CMTM8: variants seen among roughly 807,000 people sequenced by gnomAD.
CMTM8 encodes the protein CKLF like MARVEL transmembrane domain containing 8.
CMTM8 carries 12 observed loss-of-function variants against 18.6 expected under a neutral mutation model. The ratio of observed to expected loss-of-function variants is 0.65; its 90% CI spans 0.41 to 1.05. The LOEUF (loss-of-function observed/expected upper bound fraction) is 1.05, where lower values mean the gene tolerates loss of function less well. Among genes scored for constraint, CMTM8 ranks in the 50% least tolerant of loss-of-function variants. The probability of loss-of-function intolerance (pLI) is 0.00; values close to 1 mark genes in which losing one functional copy is unlikely to be tolerated. For synonymous variants in CMTM8, 87 were observed against 90.6 expected (o/e 0.96, Z 0.23); for missense variants, 217 against 227.2 (o/e 0.95, Z 0.29).
chr3:32,278,277 C>T (rs891820736), intron 1 of CMTM8, among the ~76,000 whole-genome samples: 1 of 152,184 alleles, frequency 6.6e-6, no homozygotes, highest in African/African-American at 2.4e-5. Flanking sequence ...ATGTGGTCCT[C>T]ATCTACGTGG....
At chr3:32,325,274 A>T (rs1236217657) in intron 1 of CMTM8, among the ~76,000 whole-genome samples, 1 of 152,198 alleles carries the variant, frequency 6.6e-6, no homozygotes, top group Non-Finnish European at 1.5e-5. Context: ...TTAAATTGTG[A>T]AATAGACCAA....
chr3:32,282,353 G>A (rs533868742), intron 1 of CMTM8, among the ~76,000 whole-genome samples: 43 of 152,184 alleles, frequency 2.8e-4, no homozygotes, highest in African/African-American at 9.4e-4. Flanking sequence ...TACCATATTT[G>A]GATATTGATC....
At chr3:32,252,808 A>C (rs1475773847) in intron 1 of CMTM8, among the ~76,000 whole-genome samples, 1 of 152,226 alleles carries the variant, frequency 6.6e-6, no homozygotes, top group East Asian at 1.9e-4. Flanking sequence ...TTGCCAGTAT[A>C]ATGTCAAATA....
At chr3:32,360,546 A>G (rs1235540771) in intron 2 of CMTM8, among the ~76,000 whole-genome samples, 1 of 152,234 alleles carries the variant, frequency 6.6e-6, no homozygotes, top group Non-Finnish European at 1.5e-5. Context: ...AAAGGCTCTG[A>G]CTAAACTTCC....
At chr3:32,340,491 T>C (rs1478904807) in intron 1 of CMTM8, among the ~76,000 whole-genome samples, 1 of 152,234 alleles carries the variant, frequency 6.6e-6, no homozygotes, top group Non-Finnish European at 1.5e-5. Flanking sequence ...GCTTGATATA[T>C]TTAATAACCT....
intron 1 of CMTM8, among the ~76,000 whole-genome samples, chr3:32,344,813 T>C (rs1696563085): frequency 1.3e-5 from 2 of 152,136 alleles, no homozygotes; most frequent in Admixed American, 1.3e-4. Flanking sequence ...GAGAATCGCT[T>C]GAGCCCAGGA....
At chr3:32,274,542 T>C (rs183465140) in intron 1 of CMTM8, among the ~76,000 whole-genome samples, 71 of 152,310 alleles carry the variant, frequency 4.7e-4, no homozygotes, top group Admixed American at 4.6e-3. Flanking sequence ...TCATATTTTA[T>C]GGAACCAATT....
intron 1 of CMTM8, among the ~76,000 whole-genome samples, chr3:32,258,772 A>C (rs1233128370): frequency 6.6e-6 from 1 of 152,104 alleles, no homozygotes; most frequent in African/African-American, 2.4e-5. Flanking sequence ...TGGCCTCCCA[A>C]AGAGCCATAG....
chr3:32,323,898 G>A (rs371777418), intron 1 of CMTM8, among the ~76,000 whole-genome samples: 5 of 152,212 alleles, frequency 3.3e-5, no homozygotes, highest in African/African-American at 9.6e-5. Flanking sequence ...CTAGGGACTC[G>A]AAGGATGTTA....
intron 1 of CMTM8, among the ~76,000 whole-genome samples, chr3:32,315,649 A>T (rs1030560988): frequency 1.3e-5 from 2 of 152,210 alleles, no homozygotes; most frequent in African/African-American, 4.8e-5. Flanking sequence ...ATGTGACTCC[A>T]TGCTTTAATA....
intron 1 of CMTM8, among the ~76,000 whole-genome samples, chr3:32,267,146 A>C (rs1415349963): frequency 6.6e-6 from 1 of 152,188 alleles, no homozygotes; most frequent in South Asian, 2.1e-4. Flanking sequence ...TCGCCAAGTC[A>C]ATCCTAAGCC....
intron 1 of CMTM8, among the ~76,000 whole-genome samples, chr3:32,326,005 G>T (rs904280725): frequency 1.3e-5 from 2 of 152,184 alleles, no homozygotes; most frequent in Non-Finnish European, 2.9e-5. Flanking sequence ...GCCAGCTCAG[G>T]ATGACTGGCA....
intron 1 of CMTM8, among the ~76,000 whole-genome samples, chr3:32,269,088 G>C (rs193057902): frequency 6.6e-5 from 10 of 152,232 alleles, no homozygotes; most frequent in Middle Eastern, 3.4e-3. Flanking sequence ...CACTGAGCAG[G>C]CTTGAAGGGA....
At position 32,347,297 on chromosome 3, in the gene CMTM8, GT is replaced by G. The variant is rs56826485; in HGVS notation, c.148-10064del. On this transcript the variant is annotated intron_variant, in intron 1 of 3. Coordinates refer to ENST00000307526, the MANE Select transcript of CMTM8 (RefSeq NM_178868.5). ...TTGGTTTTTGGTTTTTTTTGCTTAG[GT>G]TTTTTTTTTTTGGCGTTAGTTCTCT... Among the ~76,000 whole-genome samples, 563 of 136,546 alleles carry G rather than the reference GT, an allele frequency of 4.1e-3. 8 individuals are homozygous for G. The highest frequency in any genetic ancestry group is 0.014 in the African/African-American group (529 of 36,570). 89.6% of individuals were successfully genotyped at this position (136,546 alleles called of 152,430 possible). A position where few individuals can be genotyped will look rare whatever the true frequency, so the allele number is the denominator to read the frequency against.
chr3:32,330,660 A>C (rs773505059), intron 1 of CMTM8, among the ~76,000 whole-genome samples: 14 of 152,198 alleles, frequency 9.2e-5, no homozygotes, highest in African/African-American at 3.4e-4. Context: ...TGATCAATAT[A>C]TGTCATTTAT....
At chr3:32,248,981 G>T (rs1702079263) in intron 1 of CMTM8, among the ~76,000 whole-genome samples, 2 of 141,304 alleles carry the variant, frequency 1.4e-5, no homozygotes, top group South Asian at 4.8e-4. Context: ...TGTGTTTTCA[G>T]TCCTCTTGAG....
At chr3:32,301,177 C>G (rs926821076) in intron 1 of CMTM8, among the ~76,000 whole-genome samples, 1 of 152,006 alleles carries the variant, frequency 6.6e-6, no homozygotes, top group Non-Finnish European at 1.5e-5. Flanking sequence ...TTCTAAGTTT[C>G]CAGCCTTATC....
rs184302106 is a variant in CMTM8, at chr3:32,365,521, C to T, written c.322-2351C>T. The stretch of plus-strand genomic sequence containing the variant: ...AGTGCAGTGGCGTGATCTCGGCTCA[C>T]TGCAACCTCCCTCTCCCAGGTTCAA... On this transcript the variant is annotated intron_variant, in intron 2 of 3. Coordinates refer to ENST00000307526, the MANE Select transcript of CMTM8 (RefSeq NM_178868.5). Among the ~76,000 whole-genome samples, 12 of 152,286 alleles carry T rather than the reference C, an allele frequency of 7.9e-5. No individual in the cohort carries two copies. In the East Asian group the frequency reaches 1.9e-3, roughly 25 times the overall value.
intron 1 of CMTM8, among the ~76,000 whole-genome samples, chr3:32,240,594 G>A (rs1231080807): frequency 6.6e-6 from 1 of 151,982 alleles, no homozygotes; most frequent in Non-Finnish European, 1.5e-5. Context: ...CGCTTTTTCA[G>A]GAAATACAAA....
Sources: allele counts gnomAD v4.1 joint callset (sites outside exome capture counted in the v4.1 genomes callset), GRCh38; gene constraint gnomAD v4.1.1; transcripts MANE v1.5; gene names NCBI Gene and HGNC (gene_info 2026-07-23, HGNC 2026-07-21).